The following ZNF609 variants were observed in gnomAD, a reference collection of about 807,000 sequenced individuals.
ZNF609 encodes zinc finger protein 609.
ZNF609 carries 11 observed loss-of-function variants against 109.5 expected under a neutral mutation model. The ratio of observed to expected loss-of-function variants is 0.10; its 90% confidence interval spans 0.06 to 0.17. The LOEUF is 0.17. Among genes scored for constraint, ZNF609 ranks in the 10% least tolerant of loss-of-function variants. The pLI is 1.00. For missense variants in ZNF609, 1,559 were observed against 1,772.4 expected, an observed-to-expected ratio of 0.88 and a Z score of 2.16; for synonymous variants, 646 against 662.0, an observed-to-expected ratio of 0.98 and a Z score of 0.37.
rs1011303663 is a variant in ZNF609, at chr15:64,684,110, C to T, written c.*2424C>T. On this transcript the variant is annotated 3_prime_UTR_variant, in exon 10 of 10. Transcript: ENST00000326648. Reference sequence around the variant, plus strand: ...CCTGATGCCTGCCGGGCCTAGTCTTCCCTCTGAAATAACATGAAGCAGCAG... The same window carrying T: ...CCTGATGCCTGCCGGGCCTAGTCTTTCCTCTGAAATAACATGAAGCAGCAG... The T allele has an allele frequency of 6.6e-6, 1 of 152,226 alleles. No individual in the cohort carries two copies. Among genetic ancestry groups the T allele is most frequent in the Non-Finnish European group, 1.5e-5 (1 of 68,072 alleles). The allele number at this position is 152,226 out of a possible 1,614,324, so 9.4% of individuals were successfully genotyped here. A position where few individuals can be genotyped will look rare whatever the true frequency, so the allele number is the denominator to read the frequency against.
chr15:64,615,355 C>A lies in ZNF609; in HGVS notation c.748-7472C>A, dbSNP rs184913851. Among the ~76,000 whole-genome samples the A allele has an allele frequency of 2.8e-4, 43 of 151,214 alleles. 2 individuals carry two copies. Among genetic ancestry groups the A allele is most frequent in the Non-Finnish European group, 4.7e-4 (32 of 67,856 alleles). ...ACAAGATCTCTCTATGTTGCCCAGG[C>A]TGGTCTGAAACTCCTGAGCTCAAGT... On this transcript the variant is annotated intron_variant, in intron 2 of 9. Coordinates refer to ENST00000326648, the MANE Select transcript of ZNF609 (RefSeq NM_015042.2).
chr15:64,640,156 C>G (rs1395023986), intron 3 of ZNF609, among the ~76,000 whole-genome samples: 1 of 151,034 alleles, frequency 6.6e-6, no homozygotes, highest in Non-Finnish European at 1.5e-5. Context: ...CTCCTGACCT[C>G]ATGAGCCACC....
chr15:64,590,415 G>T (rs1176513902), intron 2 of ZNF609, among the ~76,000 whole-genome samples: 2 of 151,980 alleles, frequency 1.3e-5, no homozygotes, highest in Non-Finnish European at 2.9e-5. Context: ...TCTGCTTCCT[G>T]GTTTCAAGTG....
intron 2 of ZNF609, among the ~76,000 whole-genome samples, chr15:64,515,333 A>G (rs1893790556): frequency 6.6e-6 from 1 of 152,190 alleles, no homozygotes; most frequent in Non-Finnish European, 1.5e-5. Flanking sequence ...AGGCATTGCA[A>G]TTGCCCTGGA....
intron 3 of ZNF609, among the ~76,000 whole-genome samples, chr15:64,661,264 G>A (rs759781444): frequency 3.3e-5 from 5 of 152,096 alleles, no homozygotes; most frequent in African/African-American, 9.7e-5. Flanking sequence ...GACTGGCCGC[G>A]TATCACTATC....
chr15:64,512,109 T>C (rs1893742499), intron 2 of ZNF609, among the ~76,000 whole-genome samples: 1 of 152,054 alleles, frequency 6.6e-6, no homozygotes, highest in South Asian at 2.1e-4. Flanking sequence ...CATTGCTCAG[T>C]GTACAGGATG....
Position 64,650,467 on chromosome 15 carries a change from T to G in ZNF609, c.974-19879T>G, listed in dbSNP as rs1481902396. Among the ~76,000 whole-genome samples the G allele has an allele frequency of 2.0e-5, 3 of 151,876 alleles. No homozygotes were observed. In the South Asian group the frequency reaches 6.2e-4, roughly 32 times the overall value. ...AAAATAGGTAAAGTAAATCATTAAT[T>G]TCTAAATCAAATAAGTTCAGTCATG... On this transcript the variant is annotated intron_variant, in intron 3 of 9. Coordinates refer to ENST00000326648, the MANE Select transcript of ZNF609 (RefSeq NM_015042.2).
At chr15:64,619,238 A>C (rs1595741339) in intron 2 of ZNF609, among the ~76,000 whole-genome samples, 2 of 151,616 alleles carry the variant, frequency 1.3e-5, no homozygotes, top group African/African-American at 4.8e-5. Flanking sequence ...GGACTCAAGC[A>C]CTCCTCCTGC....
intron 2 of ZNF609, among the ~76,000 whole-genome samples, chr15:64,537,393 C>G (rs1395657978): frequency 6.6e-6 from 1 of 151,212 alleles, no homozygotes; most frequent in East Asian, 1.9e-4. Flanking sequence ...CCCAGCTACT[C>G]GGGAGGCTGA....
chr15:64,653,821 A>G (rs903407974), intron 3 of ZNF609, among the ~76,000 whole-genome samples: 11 of 152,140 alleles, frequency 7.2e-5, no homozygotes, highest in Non-Finnish European at 1.3e-4. Flanking sequence ...TTAATTTCTT[A>G]GTAGTGTCCA....
At chr15:64,481,319 C>CTTTTTTTTTTTTTT (rs889184379) in intron 1 of ZNF609, among the ~76,000 whole-genome samples, 13 of 127,268 alleles carry the variant, frequency 1.0e-4, no homozygotes, top group African/African-American at 3.9e-4. Flanking sequence ...TTTCTTTTTT[C>CTTTTTTTTTTTTTT]TTTTTTTTTT....
chr15:64,664,535 TTTTC>T (rs1482524273), intron 3 of ZNF609, among the ~76,000 whole-genome samples: 1 of 152,148 alleles, frequency 6.6e-6, no homozygotes, highest in African/African-American at 2.4e-5. Flanking sequence ...GAAGACCAGT[TTTTC>T]TTTCTCTTCA....
intron 2 of ZNF609, chr15:64,528,596 G>A (rs1894007450): frequency 3.0e-6 from 2 of 672,600 alleles, no homozygotes; most frequent in Non-Finnish European, 5.3e-6. Context: ...ACTGATTATG[G>A]CAGGGACTCC....
chr15:64,542,923 A>G (rs2733386), intron 2 of ZNF609, among the ~76,000 whole-genome samples: 97,792 of 151,882 alleles, frequency 0.64, 32,493 homozygotes, highest in East Asian at 0.91. Flanking sequence ...TAACATTGTA[A>G]ATTAAATTCC....
In ZNF609 at chr15:64,588,442, A is replaced by AAAAAAAAAAAAAAAAAAAAAAG. The variant is rs71133451; in HGVS notation, c.748-34383_748-34382insAAAAAAAAAAAAAAAAAAAGAA. Among the ~76,000 whole-genome samples the AAAAAAAAAAAAAAAAAAAAAAG allele has an allele frequency of 5.5e-3, 412 of 75,256 alleles. 138 individuals carry two copies. The highest frequency in any genetic ancestry group is 0.012 in the East Asian group (20 of 1,734). The allele number at this position is 75,256 out of a possible 152,430, so 49.4% of individuals were successfully genotyped here. A position where few individuals can be genotyped will look rare whatever the true frequency, so the allele number is the denominator to read the frequency against. ...CACTCTGTCTAAAAAAAAAAAAAAAAAAGAAGAGGAAGACTGTACAGACTA... is the reference window on the plus strand; with the variant it reads ...CACTCTGTCTAAAAAAAAAAAAAAAAAAAAAAAAAAAAAAAAAAAAAGAAGAAGAGGAAGACTGTACAGACTA... On this transcript the variant is annotated intron_variant, in intron 2 of 9. Coordinates refer to ENST00000326648, the MANE Select transcript of ZNF609 (RefSeq NM_015042.2).
intron 3 of ZNF609, among the ~76,000 whole-genome samples, chr15:64,659,696 C>A (rs1293942831): frequency 2.0e-5 from 3 of 152,160 alleles, no homozygotes; most frequent in African/African-American, 7.2e-5. Context: ...ATAATTGTAT[C>A]TAGAATAATG....
At chr15:64,652,944 T>C (rs1896439885) in intron 3 of ZNF609, 1 of 153,222 alleles carries the variant, frequency 6.5e-6, no homozygotes, top group Non-Finnish European at 1.5e-5. Flanking sequence ...ATTACAGATT[T>C]CTTTGTTCCA....
At chr15:64,576,900 ATATATATG>A (rs1435123393) in intron 2 of ZNF609, among the ~76,000 whole-genome samples, 2 of 121,600 alleles carry the variant, frequency 1.6e-5, no homozygotes, top group East Asian at 3.9e-4. Context: ...AAATATATAC[ATATATATG>A]TATATATACA....
intron 3 of ZNF609, among the ~76,000 whole-genome samples, chr15:64,652,413 G>A (rs536497877): frequency 6.7e-6 from 1 of 149,258 alleles, no homozygotes; most frequent in African/African-American, 2.5e-5. Flanking sequence ...TTGAGACAGG[G>A]TCTTACTCTG....
Sources: allele counts gnomAD v4.1 joint callset (sites outside exome capture counted in the v4.1 genomes callset), GRCh38; gene constraint gnomAD v4.1.1; transcripts MANE v1.5; gene names NCBI Gene and HGNC (gene_info 2026-07-23, HGNC 2026-07-21).